Variants in RAI2 observed in about 807,000 individuals in gnomAD.
RAI2 encodes the protein retinoic acid induced 2, also known as retinoic acid-induced protein 2.
In RAI2, 5 loss-of-function variants were observed where a neutral mutation model predicts 15.3. The observed-to-expected ratio is 0.33, with a 90% confidence interval of 0.17 to 0.69. The LOEUF (loss-of-function observed/expected upper bound fraction) is 0.69. RAI2 is among the 30% of genes least tolerant of loss of function. RAI2 has a pLI of 0.69. For synonymous variants in RAI2, 191 were observed against 184.0 expected (o/e 1.04, Z -0.31); for missense variants, 424 against 424.7 (o/e 1.00, Z 0.01).
chrX:17,833,989 G>A (rs1469109380), intron 1 of RAI2, among the ~76,000 whole-genome samples: 1 of 111,559 alleles, frequency 9.0e-6, no homozygotes, highest in African/African-American at 3.3e-5. Flanking sequence ...GCTCGACAAA[G>A]GCAATGCTGT....
intron 1 of RAI2, among the ~76,000 whole-genome samples, chrX:17,804,031 C>G (rs1157710567): frequency 2.8e-5 from 3 of 109,030 alleles, no homozygotes; most frequent in African/African-American, 1.0e-4. Flanking sequence ...GCAATCTTGG[C>G]TCACTGCAAC....
chrX:17,839,205 C>T (rs1398192388), intron 1 of RAI2, among the ~76,000 whole-genome samples: 2 of 112,338 alleles, frequency 1.8e-5, no homozygotes, highest in African/African-American at 6.5e-5. Context: ...TGTCCTGCAA[C>T]CTTCAGCTCC....
In RAI2 at chrX:17,800,386, T is replaced by C. The variant is rs1344763377; in HGVS notation, c.*32A>G. The C allele has an allele frequency of 2.6e-6, 3 of 1,149,948 alleles. No homozygotes were observed. Among genetic ancestry groups the C allele is most frequent in the African/African-American group, 1.8e-5 (1 of 54,904 alleles). The allele number at this position is 1,149,948 out of a possible 1,213,427, so 94.8% of individuals were successfully genotyped here. Reference sequence around the variant, plus strand: ...TAAAACCAATGCACCTTTCCCCATATTATAATCATACAAATTTTAAAAAGC... The same window carrying C: ...TAAAACCAATGCACCTTTCCCCATACTATAATCATACAAATTTTAAAAAGC... On this transcript the variant is annotated 3_prime_UTR_variant, in exon 2 of 2. Coordinates refer to ENST00000451717, the MANE Select transcript of RAI2 (RefSeq NM_021785.6).
intron 1 of RAI2, among the ~76,000 whole-genome samples, chrX:17,854,785 G>A (rs2067579634): frequency 9.0e-6 from 1 of 111,704 alleles, no homozygotes; most frequent in Non-Finnish European, 1.9e-5. Flanking sequence ...CCAGAATGTC[G>A]GATTCTTCCT....
Position 17,853,871 on chromosome X carries a change from G to A in RAI2, c.-25+7227C>T, listed in dbSNP as rs756631863. ...ATGCATATTTCATCAGTCTAAATGG[G>A]TGGAAATTAATATCTCATAAAATAA... On this transcript the variant is annotated intron_variant, in intron 1 of 1. Transcript: ENST00000451717. Among the ~76,000 whole-genome samples the A allele has an allele frequency of 2.9e-4, 32 of 110,894 alleles. No individual in the cohort carries two copies. The South Asian group carries it at 0.012, about 42-fold the overall frequency.
intron 1 of RAI2, among the ~76,000 whole-genome samples, chrX:17,856,193 G>C (rs764846131): frequency 8.9e-6 from 1 of 112,284 alleles, no homozygotes. Flanking sequence ...TGTTCAAGGA[G>C]CCCAGCCCTA....
chrX:17,840,345 C>T (rs2067383034), intron 1 of RAI2, among the ~76,000 whole-genome samples: 1 of 111,122 alleles, frequency 9.0e-6, no homozygotes, highest in Non-Finnish European at 1.9e-5. Context: ...TCAATGCCAC[C>T]CTCTGTGCCA....
intron 1 of RAI2, among the ~76,000 whole-genome samples, chrX:17,830,503 TG>T (rs1339985643): frequency 1.1e-3 from 120 of 110,645 alleles, no homozygotes; most frequent in African/African-American, 1.6e-3. Flanking sequence ...TTTTTGTTGT[TG>T]TTTTTTTTTT....
intron 1 of RAI2, among the ~76,000 whole-genome samples, chrX:17,806,309 G>A (rs927575163): frequency 2.7e-5 from 3 of 111,795 alleles, no homozygotes; most frequent in South Asian, 3.8e-4. Flanking sequence ...CAAGCCCAGG[G>A]GGCATGAATT....
chrX:17,846,300 G>C lies in RAI2; in HGVS notation c.-25+14798C>G, dbSNP rs768091919. The stretch of plus-strand genomic sequence containing the variant: ...CCAGGACTGTCCGAGTTTTAAAACT[G>C]AAAGTCCTGTGTCTTAAGCACCCTC... On this transcript the variant is annotated intron_variant, in intron 1 of 1. Coordinates refer to ENST00000451717, the MANE Select transcript of RAI2 (RefSeq NM_021785.6). Among the ~76,000 whole-genome samples the C allele has an allele frequency of 7.2e-5, 8 of 111,255 alleles. No individual in the cohort carries two copies. In the East Asian group the frequency reaches 2.3e-3, roughly 31 times the overall value.
intron 1 of RAI2, among the ~76,000 whole-genome samples, chrX:17,848,185 A>C (rs2067485806): frequency 9.1e-6 from 1 of 110,327 alleles, no homozygotes; most frequent in Non-Finnish European, 1.9e-5. Flanking sequence ...GACTGTGATT[A>C]AAATGAGCTT....
At chrX:17,830,828 C>G (rs1300054029) in intron 1 of RAI2, among the ~76,000 whole-genome samples, 1 of 111,651 alleles carries the variant, frequency 9.0e-6, no homozygotes, top group Non-Finnish European at 1.9e-5. Flanking sequence ...GGTCAGTACT[C>G]AGAACAGGTA....
chrX:17,801,271 G>A lies in RAI2; in HGVS notation c.740C>T (p.Pro247Leu). 8.3e-7 allele frequency: 1 copy of A among 1,200,607 alleles called. No individual in the cohort carries two copies. Among genetic ancestry groups the A allele is most frequent in the Non-Finnish European group, 1.1e-6 (1 of 888,740 alleles). Residue 247 changes from proline (P) to leucine (L), a missense_variant, in exon 2 of 2, where the codon CCC becomes CTC. Transcript: ENST00000451717. ...IVPLPVPVPI[P>L]IPIPMPQSSE... ...ACTCTGAGGCATCGGGATGGGGATG[G>A]GAATAGGGACTGGCACAGGCAAGGG...
intron 1 of RAI2, among the ~76,000 whole-genome samples, chrX:17,839,501 G>T (rs1205458865): frequency 8.9e-6 from 1 of 112,418 alleles, no homozygotes; most frequent in East Asian, 2.8e-4. Context: ...TGCCATAGCT[G>T]CAGCCTTCTG....
chrX:17,839,792 G>T (rs1305230040), intron 1 of RAI2, among the ~76,000 whole-genome samples: 1 of 112,533 alleles, frequency 8.9e-6, no homozygotes, highest in Non-Finnish European at 1.9e-5. Flanking sequence ...AATTATCCCA[G>T]ATTATTACAC....
At chrX:17,829,674 T>A (rs1234342331) in intron 1 of RAI2, among the ~76,000 whole-genome samples, 2 of 112,712 alleles carry the variant, frequency 1.8e-5, no homozygotes, top group African/African-American at 3.2e-5. Flanking sequence ...CATTTTTAGA[T>A]ATGAGATTTG....
chrX:17,811,691 A>T (rs1484638903), intron 1 of RAI2, among the ~76,000 whole-genome samples: 1 of 111,894 alleles, frequency 8.9e-6, no homozygotes, highest in African/African-American at 3.3e-5. Context: ...AGTACAAAGA[A>T]CTGGAGTTCA....
intron 1 of RAI2, among the ~76,000 whole-genome samples, chrX:17,840,041 CTGA>C (rs1259417535): frequency 1.8e-5 from 2 of 112,617 alleles, no homozygotes; most frequent in Non-Finnish European, 3.7e-5. Flanking sequence ...CCAGTTTTCT[CTGA>C]TAATATTACA....
chrX:17,823,884 C>T (rs1276587652), intron 1 of RAI2, among the ~76,000 whole-genome samples: 1 of 111,444 alleles, frequency 9.0e-6, no homozygotes, highest in Non-Finnish European at 1.9e-5. Context: ...CCGTTCACCA[C>T]TACGTAAATG....
Sources: gnomAD v4.1 joint callset for allele counts (sites outside exome capture counted in the v4.1 genomes callset) on GRCh38, gnomAD v4.1.1 for gene constraint, MANE v1.5 for transcripts, NCBI Gene and HGNC (gene_info 2026-07-23, HGNC 2026-07-21) for gene names.